ASTN2: variants seen among roughly 807,000 people sequenced by gnomAD.
ASTN2 encodes astrotactin-2.
A neutral mutation model predicts 139.8 loss-of-function variants in ASTN2; 54 were observed. The observed-to-expected ratio is 0.39, with a 90% CI of 0.31 to 0.48. The LOEUF (loss-of-function observed/expected upper bound fraction) is 0.48. ASTN2 is among the 20% of genes least tolerant of loss of function. The pLI is 0.95. For synonymous variants in ASTN2, 756 were observed against 719.5 expected, an observed-to-expected ratio of 1.05 and a Z score of -0.81; for missense variants, 1,565 against 1,725.1, an observed-to-expected ratio of 0.91 and a Z score of 1.64.
intron 10 of ASTN2, among the ~76,000 whole-genome samples, chr9:116,952,369 C>A (rs1835586705): frequency 6.6e-6 from 1 of 152,154 alleles, no homozygotes; most frequent in Non-Finnish European, 1.5e-5. Context: ...AGATGCAATG[C>A]ATTTGCTATT....
chr9:116,554,914 A>C (rs1016799358), intron 19 of ASTN2, among the ~76,000 whole-genome samples: 1 of 152,196 alleles, frequency 6.6e-6, no homozygotes, highest in African/African-American at 2.4e-5. Flanking sequence ...GGTGATGCTC[A>C]GATGAGATGC....
intron 11 of ASTN2, among the ~76,000 whole-genome samples, chr9:116,830,785 C>A (rs1247040397): frequency 1.5e-5 from 2 of 130,554 alleles, no homozygotes; most frequent in South Asian, 2.5e-4. Context: ...GAGTGAGACC[C>A]TATGTCAAAA....
At chr9:116,533,829 T>TG (rs1367308299) in intron 19 of ASTN2, among the ~76,000 whole-genome samples, 2 of 152,260 alleles carry the variant, frequency 1.3e-5, no homozygotes, top group East Asian at 3.9e-4. Context: ...TCTCTTTTTT[T>TG]GTTGTGTCTC....
chr9:116,530,128 TA>T (rs1851271033), intron 19 of ASTN2, among the ~76,000 whole-genome samples: 1 of 36,704 alleles, frequency 2.7e-5, no homozygotes, highest in African/African-American at 9.7e-5. Context: ...TATATATATA[TA>T]TATATATATA....
rs144189785 is a variant in ASTN2, at chr9:117,338,195, C to T, written c.443-46682G>A. 4.5e-4 allele frequency among the ~76,000 whole-genome samples: 68 copies of T among 152,238 alleles called. No homozygotes were observed. The East Asian group carries it at 0.013, about 29-fold the overall frequency. On this transcript the variant is annotated intron_variant, in intron 1 of 22. Transcript: ENST00000313400. ...TACTAGTCTTCTATGCAGCATCTGA[C>T]TATTTGTTAATTATTATTTTCTACT... is the stretch of plus-strand genomic sequence containing the variant.
chr9:117,382,422 T>C (rs1346929809), intron 1 of ASTN2, among the ~76,000 whole-genome samples: 3 of 152,192 alleles, frequency 2.0e-5, no homozygotes, highest in Admixed American at 1.3e-4. Context: ...CATGTTTCTT[T>C]TTATGCTCAC....
chr9:117,140,160 T>C (rs1405617765), intron 4 of ASTN2, among the ~76,000 whole-genome samples: 1 of 151,960 alleles, frequency 6.6e-6, no homozygotes, highest in Admixed American at 6.6e-5. Context: ...AAGTTAAGAG[T>C]CAATAACCCT....
At chr9:116,928,838 T>C (rs193098039) in intron 10 of ASTN2, among the ~76,000 whole-genome samples, 124 of 152,268 alleles carry the variant, frequency 8.1e-4, no homozygotes, top group African/African-American at 2.9e-3. Flanking sequence ...TATTATGTAC[T>C]ATGAGTTTTT....
At chr9:116,709,496 CT>C in intron 16 of ASTN2, among the ~76,000 whole-genome samples, 1 of 152,304 alleles carries the variant, frequency 6.6e-6, no homozygotes, top group African/African-American at 2.4e-5. Context: ...TTATGCGGTC[CT>C]TTTAGCACTG....
At chr9:116,889,770 C>A (rs532473852) in intron 10 of ASTN2, among the ~76,000 whole-genome samples, 16 of 120,400 alleles carry the variant, frequency 1.3e-4, no homozygotes, top group African/African-American at 4.2e-4. Flanking sequence ...CACACACACA[C>A]AAATAAGAAA....
chr9:116,849,798 T>G (rs1832543313), intron 11 of ASTN2, among the ~76,000 whole-genome samples: 1 of 152,192 alleles, frequency 6.6e-6, no homozygotes, highest in Non-Finnish European at 1.5e-5. Flanking sequence ...CTTGAGGCTG[T>G]GTCCTCACAT....
At chr9:116,848,273 C>G (rs919312606) in intron 11 of ASTN2, among the ~76,000 whole-genome samples, 3 of 152,162 alleles carry the variant, frequency 2.0e-5, no homozygotes, top group Non-Finnish European at 4.4e-5. Flanking sequence ...TTTTCAGAAG[C>G]CTCATGTCCT....
Position 116,729,065 on chromosome 9 carries a change from G to A in ASTN2, c.2553C>T (p.Tyr851=). 4 of 1,596,606 alleles carry A rather than the reference G, an allele frequency of 2.5e-6. No individual in the cohort carries two copies. Among genetic ancestry groups the A allele is most frequent in the Non-Finnish European group, 3.4e-6 (4 of 1,170,860 alleles). ...GDIRYDEAMG[Y]PMVQQWRVRS... is the part of the protein sequence containing the mutation. ...GGACCCGCCACTGCTGCACCATGGGGTAACCCATGGCCTCATCATACCTGA... is the reference window on the plus strand; with the variant it reads ...GGACCCGCCACTGCTGCACCATGGGATAACCCATGGCCTCATCATACCTGA... The change falls in exon 15 of 23, where the codon TAC becomes TAT. Residue 851 remains tyrosine (Y), a synonymous_variant. Transcript: ENST00000313400.
At chr9:116,668,491 C>T (rs368397881) in intron 16 of ASTN2, among the ~76,000 whole-genome samples, 12 of 152,274 alleles carry the variant, frequency 7.9e-5, no homozygotes, top group South Asian at 4.1e-4. Context: ...CATGCCCGGC[C>T]GCCTTCTTTT....
chr9:116,843,553 G>A (rs998173951), intron 11 of ASTN2, among the ~76,000 whole-genome samples: 3 of 151,904 alleles, frequency 2.0e-5, no homozygotes, highest in African/African-American at 7.3e-5. Context: ...CAGGTACTCG[G>A]GAGGGTGATG....
chr9:116,536,989 T>C (rs1851659818), intron 19 of ASTN2, among the ~76,000 whole-genome samples: 1 of 152,240 alleles, frequency 6.6e-6, no homozygotes, highest in Non-Finnish European at 1.5e-5. Flanking sequence ...CTCCTTGAGC[T>C]GTGGTGGGCT....
At chr9:117,342,544 C>T (rs1407304703) in intron 1 of ASTN2, among the ~76,000 whole-genome samples, 2 of 151,936 alleles carry the variant, frequency 1.3e-5, no homozygotes, top group African/African-American at 4.8e-5. Flanking sequence ...TCAGAGTAGC[C>T]CAGGGATCGT....
chr9:116,720,022 C>T (rs1034349766), intron 16 of ASTN2, among the ~76,000 whole-genome samples: 3 of 152,120 alleles, frequency 2.0e-5, no homozygotes, highest in Non-Finnish European at 4.4e-5. Context: ...AGCAAGTTCC[C>T]TCGGGAAACT....
chr9:116,454,221 A>G (rs1272515621), intron 20 of ASTN2, among the ~76,000 whole-genome samples: 1 of 152,226 alleles, frequency 6.6e-6, no homozygotes, highest in Non-Finnish European at 1.5e-5. Flanking sequence ...ATATAGATAC[A>G]ACAGAATACT....
Sources: allele counts gnomAD v4.1 joint callset (sites outside exome capture counted in the v4.1 genomes callset), GRCh38; gene constraint gnomAD v4.1.1; transcripts MANE v1.5; gene names NCBI Gene and HGNC (gene_info 2026-07-23, HGNC 2026-07-21).